Variants in RCAN1 observed in about 807,000 individuals in gnomAD.
RCAN1 encodes calcipressin-1.
In RCAN1, 11 loss-of-function variants were observed where a neutral mutation model predicts 22.9. The ratio of observed to expected loss-of-function variants is 0.48; its 90% confidence interval spans 0.30 to 0.79. The LOEUF (loss-of-function observed/expected upper bound fraction) is 0.79, where lower values mean the gene tolerates loss of function less well. RCAN1 is among the 30% of genes least tolerant of loss of function. The pLI, the probability that RCAN1 is intolerant of heterozygous loss-of-function variation, is 0.06. For missense variants in RCAN1, 291 were observed against 337.8 expected (o/e 0.86, Z 1.09); for synonymous variants, 136 against 142.3 (o/e 0.96, Z 0.32).
At chr21:34,585,754 A>AC (rs1348660310) in intron 1 of RCAN1, among the ~76,000 whole-genome samples, 3 of 151,020 alleles carry the variant, frequency 2.0e-5, no homozygotes, top group Non-Finnish European at 4.4e-5. Flanking sequence ...AAAAAAAAAA[A>AC]AAAAAAAAAA....
At chr21:34,602,580 C>G (rs1376199203) in intron 1 of RCAN1, among the ~76,000 whole-genome samples, 1 of 152,006 alleles carries the variant, frequency 6.6e-6, no homozygotes, top group Non-Finnish European at 1.5e-5. Context: ...ACCAGACCAC[C>G]TGAGATCTAC....
chr21:34,580,130 T>C (rs1183888945), intron 1 of RCAN1, among the ~76,000 whole-genome samples: 1 of 152,212 alleles, frequency 6.6e-6, no homozygotes, highest in East Asian at 1.9e-4. Context: ...CAACCAAGGA[T>C]TCCCAGTGAG....
chr21:34,558,195 C>T (rs529505287), intron 1 of RCAN1, among the ~76,000 whole-genome samples: 34 of 152,254 alleles, frequency 2.2e-4, no homozygotes, highest in Admixed American at 1.0e-3. Flanking sequence ...TCTCGAACTC[C>T]GAGGGAGAAG....
At chr21:34,598,017 C>T (rs1395452530) in intron 1 of RCAN1, among the ~76,000 whole-genome samples, 1 of 152,130 alleles carries the variant, frequency 6.6e-6, no homozygotes, top group Non-Finnish European at 1.5e-5. Flanking sequence ...AAAACTTCCA[C>T]CCTGTACTGA....
intron 1 of RCAN1, among the ~76,000 whole-genome samples, chr21:34,542,494 C>T (rs1168487257): frequency 6.6e-6 from 1 of 152,132 alleles, no homozygotes; most frequent in Non-Finnish European, 1.5e-5. Context: ...TCACTGGCAG[C>T]TGGTATTTTT....
chr21:34,569,399 T>C (rs2186283), intron 1 of RCAN1, among the ~76,000 whole-genome samples: 152,373 of 152,374 alleles, frequency 1, 76,186 homozygotes, highest in Non-Finnish European at 1. Flanking sequence ...AAATAAGAGC[T>C]TTTTTCTTTT....
intron 1 of RCAN1, among the ~76,000 whole-genome samples, chr21:34,535,610 G>A (rs1427921927): frequency 6.6e-6 from 1 of 151,878 alleles, no homozygotes; most frequent in African/African-American, 2.4e-5. Context: ...GCCAGGCACA[G>A]TTCTGATACT....
chr21:34,613,894 T>A, intron 1 of RCAN1: 1 of 1,376,450 alleles, frequency 7.3e-7, no homozygotes, highest in Non-Finnish European at 9.6e-7. Flanking sequence ...ACTGCTTTTT[T>A]TGACAGCTGC....
chr21:34,564,422 C>G (rs941241480), intron 1 of RCAN1, among the ~76,000 whole-genome samples: 12 of 152,054 alleles, frequency 7.9e-5, no homozygotes, highest in African/African-American at 2.7e-4. Context: ...TGTGAGACTG[C>G]CAGAAGGAAG....
chr21:34,577,366 G>T (rs1385621099), intron 1 of RCAN1, among the ~76,000 whole-genome samples: 1 of 152,182 alleles, frequency 6.6e-6, no homozygotes, highest in African/African-American at 2.4e-5. Flanking sequence ...GAGAGGTGGA[G>T]GTGGGTGGAT....
At chr21:34,519,397 C>CTTTTTTTTTTTTTTT (rs34152667) in intron 3 of RCAN1, among the ~76,000 whole-genome samples, 3 of 102,786 alleles carry the variant, frequency 2.9e-5, no homozygotes, top group Non-Finnish European at 5.7e-5. Context: ...TTCTTTCTTT[C>CTTTTTTTTTTTTTTT]TTTTTTTTTT....
chr21:34,530,266 T>A (rs529289722), intron 1 of RCAN1, among the ~76,000 whole-genome samples: 1 of 152,376 alleles, frequency 6.6e-6, no homozygotes, highest in African/African-American at 2.4e-5. Context: ...TGAGTCTTTT[T>A]AACCTGCATT....
At position 34,525,405 on chromosome 21, in the gene RCAN1, T is replaced by C. The variant is rs543610502; in HGVS notation, c.253-1695A>G. The C allele has an allele frequency of 3.4e-4, 484 of 1,434,606 alleles. 1 individual carries two copies. Among genetic ancestry groups the C allele is most frequent in the Non-Finnish European group, 4.2e-4 (462 of 1,089,638 alleles). The allele number at this position is 1,434,606 out of a possible 1,614,324, so 88.9% of individuals were successfully genotyped here. Reference sequence around the variant, plus strand: ...GAAGGAACGCGGAGCTGGCGGACGGTAGAGTTCATCTGGCCGCCTCTCACT... The same window carrying C: ...GAAGGAACGCGGAGCTGGCGGACGGCAGAGTTCATCTGGCCGCCTCTCACT... On this transcript the variant is annotated intron_variant, in intron 1 of 3. Transcript: ENST00000313806.
intron 1 of RCAN1, among the ~76,000 whole-genome samples, chr21:34,540,239 C>T (rs1370396275): frequency 6.6e-6 from 1 of 152,194 alleles, no homozygotes; most frequent in Non-Finnish European, 1.5e-5. Flanking sequence ...TTCTGGAGAT[C>T]AGTCTGCATC....
At chr21:34,532,401 G>A (rs1396164736) in intron 1 of RCAN1, among the ~76,000 whole-genome samples, 1 of 152,206 alleles carries the variant, frequency 6.6e-6, no homozygotes, top group Non-Finnish European at 1.5e-5. Flanking sequence ...GGTTTGTTAA[G>A]CACTCTCCAA....
chr21:34,554,407 T>C (rs1486144393), intron 1 of RCAN1, among the ~76,000 whole-genome samples: 1 of 152,232 alleles, frequency 6.6e-6, no homozygotes, highest in Non-Finnish European at 1.5e-5. Context: ...ACAGAGCTGC[T>C]GATACATCTG....
intron 1 of RCAN1, among the ~76,000 whole-genome samples, chr21:34,572,483 G>T (rs1333713594): frequency 6.6e-6 from 1 of 152,174 alleles, no homozygotes; most frequent in East Asian, 1.9e-4. Flanking sequence ...TTCATGAGGG[G>T]CTGCTCCACT....
intron 1 of RCAN1, among the ~76,000 whole-genome samples, chr21:34,598,030 A>G (rs781030176): frequency 6.6e-5 from 10 of 152,228 alleles, no homozygotes; most frequent in Non-Finnish European, 1.2e-4. Flanking sequence ...TGTACTGAGT[A>G]GAGAAAAGAT....
At position 34,611,690 on chromosome 21, in the gene RCAN1, G is replaced by T. The variant is rs146310736; in HGVS notation, c.252+3070C>A. 3.0e-3 allele frequency among the ~76,000 whole-genome samples: 458 copies of T among 152,268 alleles called. 1 individual carries two copies. The highest frequency in any genetic ancestry group is 0.01 in the African/African-American group (435 of 41,540). On this transcript the variant is annotated intron_variant, in intron 1 of 3. Transcript: ENST00000313806. ...TTAATGATCTGTTTACACAAGGGGA[G>T]ATACCACCAACCTAAAGTAGATTTA...
Sources: allele counts gnomAD v4.1 joint callset (sites outside exome capture counted in the v4.1 genomes callset), GRCh38; gene constraint gnomAD v4.1.1; transcripts MANE v1.5; gene names NCBI Gene and HGNC (gene_info 2026-07-23, HGNC 2026-07-21).